THEM4: variants seen among roughly 807,000 people sequenced by gnomAD.
The protein encoded by THEM4 is acyl-coenzyme A thioesterase THEM4.
A neutral mutation model predicts 25.0 loss-of-function variants in THEM4; 22 were observed. The ratio of observed to expected loss-of-function variants is 0.88; its 90% CI spans 0.63 to 1.26. The LOEUF (loss-of-function observed/expected upper bound fraction) is 1.26. Among genes scored for constraint, THEM4 ranks in the 50% most tolerant of loss-of-function variants. THEM4 has a pLI of 0.00. For synonymous variants in THEM4, 113 were observed against 105.6 expected (o/e 1.07, Z -0.43); for missense variants, 286 against 300.3 (o/e 0.95, Z 0.35).
At chr1:151,889,551 G>C in intron 2 of THEM4, 178 bp from the exon 3 acceptor site, 1 of 576,360 alleles carries the variant, frequency 1.7e-6, no homozygotes, top group Non-Finnish European at 3.0e-6. Flanking sequence ...TAGGATCTTT[G>C]CCCTTGTGGA....
Position 151,874,617 on chromosome 1 carries a change from C to T in THEM4, c.*271G>A, listed in dbSNP as rs1460062084. Reference sequence around the variant, plus strand: ...CTTGAACTCCTGAGCTCAGGCAATCCGCCTGCCTCGGCCTCCTAAAGTGCT... The same window carrying T: ...CTTGAACTCCTGAGCTCAGGCAATCTGCCTGCCTCGGCCTCCTAAAGTGCT... On this transcript the variant is annotated 3_prime_UTR_variant, in exon 6 of 6. Coordinates refer to ENST00000368814, the MANE Select transcript of THEM4 (RefSeq NM_053055.5). The T allele has an allele frequency of 3.7e-5, 18 of 487,574 alleles. No homozygotes were observed. Among genetic ancestry groups the T allele is most frequent in the Non-Finnish European group, 5.5e-5 (15 of 273,160 alleles). The allele number at this position is 487,574 out of a possible 1,614,324, so 30.2% of individuals were successfully genotyped here.
intron 1 of THEM4, among the ~76,000 whole-genome samples, chr1:151,904,566 G>C (rs574730563): frequency 6.6e-6 from 1 of 152,284 alleles, no homozygotes; most frequent in South Asian, 2.1e-4. Flanking sequence ...ATAGGTTTTA[G>C]AAAGCTCCAT....
rs1362555184 is a variant in THEM4, at chr1:151,877,146, G to A, written c.558-21C>T. The A allele has an allele frequency of 5.7e-6, 9 of 1,585,160 alleles. No homozygotes were observed. The Admixed American group carries it at 9.6e-5, about 17-fold the overall frequency. On this transcript the variant is annotated intron_variant, in intron 4 of 5. Transcript: ENST00000368814. ...TAGGTCTGCAGAATAAAATGAAAAA[G>A]GAAAAAAATCAGTTTTTATCTGACT...
intron 4 of THEM4, among the ~76,000 whole-genome samples, chr1:151,880,137 C>T (rs1041645899): frequency 6.6e-6 from 1 of 151,950 alleles, no homozygotes; most frequent in African/African-American, 2.4e-5. Flanking sequence ...TAGATGTGCA[C>T]CACCTCACTT....
chr1:151,890,271 A>AGTGCACTT, intron 2 of THEM4: 1 of 445,618 alleles, frequency 2.2e-6, no homozygotes, highest in Non-Finnish European at 4.5e-6. Context: ...GGTAAGTAAT[A>AGTGCACTT]GTGCACTTGT....
chr1:151,894,264 A>T (rs1558192521), intron 2 of THEM4, among the ~76,000 whole-genome samples: 2 of 152,254 alleles, frequency 1.3e-5, no homozygotes, highest in South Asian at 4.1e-4. Context: ...TCTGTGAATG[A>T]TTCAAATATA....
chr1:151,877,921 C>G lies in THEM4; in HGVS notation c.558-796G>C, dbSNP rs985044027. Among the ~76,000 whole-genome samples the G allele has an allele frequency of 2.0e-5, 3 of 152,188 alleles. No individual in the cohort carries two copies. In the East Asian group the frequency reaches 5.8e-4, roughly 29 times the overall value. ...AGAGCACGGAAACGTGTTTCGTGCTCCTATGGTACTACCAAGCAGATGATG... is the reference window on the plus strand; with the variant it reads ...AGAGCACGGAAACGTGTTTCGTGCTGCTATGGTACTACCAAGCAGATGATG... On this transcript the variant is annotated intron_variant, in intron 4 of 5. Coordinates refer to ENST00000368814, the MANE Select transcript of THEM4 (RefSeq NM_053055.5).
chr1:151,901,048 T>C (rs1654340572), intron 1 of THEM4, among the ~76,000 whole-genome samples: 1 of 152,244 alleles, frequency 6.6e-6, no homozygotes, highest in Non-Finnish European at 1.5e-5. Context: ...ATCCCTTTGT[T>C]TCCCCTAAGG....
chr1:151,890,117 G>T, intron 2 of THEM4: 1 of 432,102 alleles, frequency 2.3e-6, no homozygotes, highest in South Asian at 1.6e-5. Context: ...TGTTGGTCAG[G>T]CTGGTCTTGA....
chr1:151,888,867 T>C (rs1654025888), intron 3 of THEM4, among the ~76,000 whole-genome samples: 1 of 135,498 alleles, frequency 7.4e-6, no homozygotes, highest in South Asian at 2.5e-4. Flanking sequence ...TGTTTAGAAA[T>C]GTAGGTAATG....
At chr1:151,887,034 T>G (rs1427232432) in intron 4 of THEM4, among the ~76,000 whole-genome samples, 2 of 152,200 alleles carry the variant, frequency 1.3e-5, no homozygotes, top group African/African-American at 4.8e-5. Flanking sequence ...CCTGTTAGAA[T>G]GAATAAACAA....
intron 1 of THEM4, among the ~76,000 whole-genome samples, chr1:151,907,579 C>T (rs1274275575): frequency 1.3e-5 from 2 of 152,082 alleles, no homozygotes; most frequent in African/African-American, 2.4e-5. Flanking sequence ...GATGTTAGTC[C>T]GCTGGGTCTG....
chr1:151,902,969 C>G (rs1654383013), intron 1 of THEM4, among the ~76,000 whole-genome samples: 1 of 152,090 alleles, frequency 6.6e-6, no homozygotes, highest in Non-Finnish European at 1.5e-5. Context: ...GTCCGGGCAA[C>G]AGAGTGAGAT....
chr1:151,877,713 T>C (rs1192665467), intron 4 of THEM4, among the ~76,000 whole-genome samples: 1 of 152,184 alleles, frequency 6.6e-6, no homozygotes, highest in Non-Finnish European at 1.5e-5. Flanking sequence ...GCACTTGAAA[T>C]GTGGCTAGCA....
chr1:151,909,158 A>G (rs79329456), intron 1 of THEM4, among the ~76,000 whole-genome samples: 5 of 152,234 alleles, frequency 3.3e-5, no homozygotes, highest in African/African-American at 1.2e-4. Flanking sequence ...AAACGGGGTC[A>G]CCTTTCCATC....
At chr1:151,889,701 G>C (rs1199595932) in intron 2 of THEM4, 1 of 195,810 alleles carries the variant, frequency 5.1e-6, no homozygotes, top group African/African-American at 2.3e-5. Flanking sequence ...ATCCTTCTTG[G>C]AAGAACTGTG....
rs1319190421 is a variant in THEM4 at position 151,871,724 on chromosome 1, G to C, written c.*3164C>G. Reference sequence around the variant, plus strand: ...GTAAAGGGAAAAAAGTGGATACGAAGGGAGGCAGGCATACTTAACATGAAG... The same window carrying C: ...GTAAAGGGAAAAAAGTGGATACGAACGGAGGCAGGCATACTTAACATGAAG... On this transcript the variant is annotated 3_prime_UTR_variant, in exon 6 of 6. Coordinates refer to ENST00000368814, the MANE Select transcript of THEM4 (RefSeq NM_053055.5). Among the ~76,000 whole-genome samples, 1 of 152,210 alleles carries C rather than the reference G, an allele frequency of 6.6e-6. No homozygotes were observed. The highest frequency in any genetic ancestry group is 1.5e-5 in the Non-Finnish European group (1 of 68,048).
intron 2 of THEM4, among the ~76,000 whole-genome samples, chr1:151,892,260 TAGA>T (rs1654110747): frequency 6.6e-6 from 1 of 151,924 alleles, no homozygotes; most frequent in Admixed American, 6.6e-5. Flanking sequence ...AAGGAGCAAG[TAGA>T]AGGAGGAGGG....
intron 4 of THEM4, among the ~76,000 whole-genome samples, chr1:151,880,609 C>T (rs1303788706): frequency 6.6e-6 from 1 of 152,110 alleles, no homozygotes; most frequent in Non-Finnish European, 1.5e-5. Context: ...GTTATTATTA[C>T]CTACTATTGA....
Sources: allele counts gnomAD v4.1 joint callset (sites outside exome capture counted in the v4.1 genomes callset), GRCh38; gene constraint gnomAD v4.1.1; transcripts MANE v1.5; gene names NCBI Gene and HGNC (gene_info 2026-07-23, HGNC 2026-07-21).